Variants in EPHB1 observed in about 807,000 individuals in gnomAD.
EPHB1 encodes the protein EPH receptor B1.
A neutral mutation model predicts 94.4 loss-of-function variants in EPHB1; 30 were observed. The observed-to-expected ratio is 0.32, with a 90% CI of 0.24 to 0.43. EPHB1 has a LOEUF of 0.43. Among genes scored for constraint, EPHB1 ranks in the 20% least tolerant of loss-of-function variants. The probability of loss-of-function intolerance (pLI) is 1.00; values close to 1 mark genes in which losing one functional copy is unlikely to be tolerated. For synonymous variants in EPHB1, 522 were observed against 489.1 expected, an observed-to-expected ratio of 1.07 and a Z score of -0.89; for missense variants, 1,055 against 1,308.3, an observed-to-expected ratio of 0.81 and a Z score of 2.99.
At chr3:134,821,211 C>T (rs2036374054) in intron 1 of EPHB1, among the ~76,000 whole-genome samples, 1 of 152,160 alleles carries the variant, frequency 6.6e-6, no homozygotes, top group Admixed American at 6.6e-5. Flanking sequence ...TTGGATGTGG[C>T]CCACCCACAT....
chr3:134,834,070 A>T (rs994419305), intron 1 of EPHB1, among the ~76,000 whole-genome samples: 3 of 152,124 alleles, frequency 2.0e-5, no homozygotes, highest in Non-Finnish European at 4.4e-5. Flanking sequence ...GTGGTGGAAA[A>T]AAAGACTAAC....
intron 11 of EPHB1, among the ~76,000 whole-genome samples, chr3:135,195,996 G>A (rs1198993993): frequency 1.5e-5 from 2 of 137,138 alleles, no homozygotes; most frequent in East Asian, 4.2e-4. Context: ...TCCAGCACCT[G>A]TTGTTTCCTG....
At chr3:135,139,763 C>G (rs1189817870) in intron 5 of EPHB1, among the ~76,000 whole-genome samples, 3 of 152,196 alleles carry the variant, frequency 2.0e-5, no homozygotes, top group Non-Finnish European at 4.4e-5. Flanking sequence ...TAGGATGGAA[C>G]CACGTGTCGT....
rs1036941482 is a variant in EPHB1, at chr3:134,849,968, A to G, written c.58+54279A>G. ...CTGGGAAGAGGACCACCACCTGCCCATGTTATGTCTGCTGGGTCTAGCTTT... is the reference window on the plus strand; with the variant it reads ...CTGGGAAGAGGACCACCACCTGCCCGTGTTATGTCTGCTGGGTCTAGCTTT... On this transcript the variant is annotated intron_variant, in intron 1 of 15. Transcript: ENST00000398015. Among the ~76,000 whole-genome samples, 85 of 152,254 alleles carry G rather than the reference A, an allele frequency of 5.6e-4. 1 individual carries two copies. Among genetic ancestry groups the G allele is most frequent in the African/African-American group, 2.0e-3 (83 of 41,554 alleles).
At chr3:135,058,180 G>C (rs571702372) in intron 3 of EPHB1, among the ~76,000 whole-genome samples, 1 of 152,316 alleles carries the variant, frequency 6.6e-6, no homozygotes, top group Admixed American at 6.5e-5. Context: ...TGAGCTTCTG[G>C]GTTTGGGATG....
Position 135,249,412 on chromosome 3 carries a change from A to G in EPHB1, c.2767A>G (p.Ile923Val). The G allele has an allele frequency of 6.2e-7, 1 of 1,614,012 alleles. No homozygotes were observed. Among genetic ancestry groups the G allele is most frequent in the Non-Finnish European group, 8.5e-7 (1 of 1,179,892 alleles). ...FTTVDDWLSA[I>V]KMVQYRDSFL... Reference sequence around the variant, plus strand: ...CACCGTGGATGACTGGCTCAGCGCCATCAAAATGGTCCAGTACAGGGACAG... The same window carrying G: ...CACCGTGGATGACTGGCTCAGCGCCGTCAAAATGGTCCAGTACAGGGACAG... Residue 923 changes from isoleucine (I) to valine (V), a missense_variant, in exon 15 of 16, where the codon ATC becomes GTC. By Grantham distance (29) the Ile-to-Val change is conservative. Transcript: ENST00000398015.
intron 1 of EPHB1, among the ~76,000 whole-genome samples, chr3:134,911,727 A>G (rs962303392): frequency 6.6e-6 from 1 of 152,174 alleles, no homozygotes; most frequent in African/African-American, 2.4e-5. Context: ...CCTGGAGGGT[A>G]GCTGCATGGT....
At chr3:135,125,771 C>T (rs1386769605) in intron 4 of EPHB1, among the ~76,000 whole-genome samples, 3 of 152,132 alleles carry the variant, frequency 2.0e-5, no homozygotes, top group East Asian at 1.9e-4. Flanking sequence ...TGCTTTTAGC[C>T]GTGTGTGCCA....
chr3:134,996,812 T>C (rs1024291808), intron 3 of EPHB1, among the ~76,000 whole-genome samples: 2 of 152,152 alleles, frequency 1.3e-5, no homozygotes, highest in African/African-American at 4.8e-5. Context: ...CCTGTTCATA[T>C]TCTTTACCCA....
chr3:135,022,034 C>T (rs1936002076), intron 3 of EPHB1, among the ~76,000 whole-genome samples: 1 of 152,198 alleles, frequency 6.6e-6, no homozygotes, highest in African/African-American at 2.4e-5. Flanking sequence ...GGCTGGAGTG[C>T]AGTGGCACGA....
At chr3:135,081,425 T>C (rs1053680279) in intron 3 of EPHB1, among the ~76,000 whole-genome samples, 1 of 152,202 alleles carries the variant, frequency 6.6e-6, no homozygotes, top group African/African-American at 2.4e-5. Context: ...AAGGTTAGCA[T>C]AGGCCACTGA....
At chr3:135,204,650 G>A (rs948342157) in intron 12 of EPHB1, among the ~76,000 whole-genome samples, 5 of 150,708 alleles carry the variant, frequency 3.3e-5, no homozygotes, top group East Asian at 1.9e-4. Flanking sequence ...ACAGATGTGC[G>A]CCACTATGCC....
At chr3:135,023,784 T>C (rs1936052948) in intron 3 of EPHB1, among the ~76,000 whole-genome samples, 1 of 152,192 alleles carries the variant, frequency 6.6e-6, no homozygotes, top group Non-Finnish European at 1.5e-5. Flanking sequence ...TATGGTATTT[T>C]AGTGGGAATC....
chr3:135,227,511 T>C (rs1012294050), intron 12 of EPHB1, among the ~76,000 whole-genome samples: 1 of 152,180 alleles, frequency 6.6e-6, no homozygotes, highest in Non-Finnish European at 1.5e-5. Flanking sequence ...CTTGCTTTGT[T>C]ACTTAATGAC....
intron 3 of EPHB1, among the ~76,000 whole-genome samples, chr3:135,021,496 T>C (rs1935986480): frequency 6.6e-6 from 1 of 152,018 alleles, no homozygotes; most frequent in Non-Finnish European, 1.5e-5. Context: ...ATTAAAGAAA[T>C]CTCTCCCCCC....
intron 3 of EPHB1, among the ~76,000 whole-genome samples, chr3:135,005,682 C>T (rs1473551640): frequency 7.9e-5 from 12 of 152,322 alleles, no homozygotes; most frequent in South Asian, 2.1e-4. Context: ...TTAAGCCCGT[C>T]GGAAAAGCGC....
rs79867770 is a variant in EPHB1, at chr3:134,851,031, A to C, written c.58+55342A>C. On this transcript the variant is annotated intron_variant, in intron 1 of 15. Transcript: ENST00000398015. ...TTTTTCTCCTCTTCCTGGTTGGACC[A>C]TTGCCTTCTTTCCTCCTGGACTGAA... Among the ~76,000 whole-genome samples the C allele has an allele frequency of 2.7e-3, 414 of 152,362 alleles. 2 individuals carry two copies. Among genetic ancestry groups the C allele is most frequent in the African/African-American group, 9.8e-3 (408 of 41,594 alleles).
At chr3:134,860,999 T>C (rs1435531144) in intron 1 of EPHB1, among the ~76,000 whole-genome samples, 2 of 152,058 alleles carry the variant, frequency 1.3e-5, no homozygotes, top group African/African-American at 4.8e-5. Context: ...TAAGAAGCAC[T>C]TAGTAATTGC....
At position 135,133,167 on chromosome 3, in the gene EPHB1, G is replaced by A. The variant is rs1940486293; in HGVS notation, c.1297+118G>A. ...CGTGTACTGTCAGGCCTCTGCCCAG[G>A]AGTGAAGGTGTCAGGTGATGGGCAT... On this transcript the variant is annotated intron_variant, in intron 5 of 15. Coordinates refer to ENST00000398015, the MANE Select transcript of EPHB1 (RefSeq NM_004441.5). The A allele has an allele frequency of 2.9e-6, 3 of 1,021,250 alleles. No individual in the cohort carries two copies. The East Asian group carries it at 7.8e-5, about 27-fold the overall frequency. The allele number at this position is 1,021,250 out of a possible 1,614,324, so 63.3% of individuals were successfully genotyped here. A position where few individuals can be genotyped will look rare whatever the true frequency, so the allele number is the denominator to read the frequency against.
Sources: allele counts gnomAD v4.1 joint callset (sites outside exome capture counted in the v4.1 genomes callset), GRCh38; gene constraint gnomAD v4.1.1; transcripts MANE v1.5; gene names NCBI Gene and HGNC (gene_info 2026-07-23, HGNC 2026-07-21).